Variants in DMXL2 observed in about 807,000 individuals in gnomAD.
DMXL2 encodes dmX-like protein 2.
A neutral mutation model predicts 331.1 loss-of-function variants in DMXL2; 103 were observed. The ratio of observed to expected loss-of-function variants is 0.31; its 90% CI spans 0.27 to 0.37. The LOEUF is 0.37. Ranked by LOEUF, DMXL2 falls within the 10% of genes least tolerant of loss-of-function variation. DMXL2 has a pLI of 1.00. For missense variants in DMXL2, 3,171 were observed against 3,642.9 expected (o/e 0.87, Z 3.33); for synonymous variants, 1,281 against 1,252.1 (o/e 1.02, Z -0.49).
At chr15:51,479,490 T>TCTAA (rs1373783766) in intron 25 of DMXL2, among the ~76,000 whole-genome samples, 1 of 152,152 alleles carries the variant, frequency 6.6e-6, no homozygotes, top group Non-Finnish European at 1.5e-5. Context: ...TCTGATTGCC[T>TCTAA]CTAACTATTG....
At chr15:51,592,554 G>T (rs1221526396) in intron 1 of DMXL2, among the ~76,000 whole-genome samples, 1 of 152,056 alleles carries the variant, frequency 6.6e-6, no homozygotes, top group East Asian at 1.9e-4. Context: ...TCAAATTCAG[G>T]AAATACAGAG....
At chr15:51,558,379 G>A (rs759764484) in intron 6 of DMXL2, among the ~76,000 whole-genome samples, 1 of 151,840 alleles carries the variant, frequency 6.6e-6, no homozygotes, top group Admixed American at 6.6e-5. Context: ...AGACCCAAAG[G>A]CATCATGAAC....
intron 2 of DMXL2, among the ~76,000 whole-genome samples, chr15:51,572,953 A>T (rs1294662065): frequency 6.6e-6 from 1 of 152,224 alleles, no homozygotes; most frequent in Non-Finnish European, 1.5e-5. Flanking sequence ...AGGCAAGAGA[A>T]AGAAATAAAG....
At chr15:51,503,125 T>C (rs974552483) in intron 16 of DMXL2, 92 bp from the exon 17 acceptor site, 15 of 926,718 alleles carry the variant, frequency 1.6e-5, no homozygotes, top group Non-Finnish European at 2.4e-5. Context: ...TTAAGAAACA[T>C]AGCTTCTTAA....
At chr15:51,452,475 CCAA>C (rs1456828545) in intron 41 of DMXL2, among the ~76,000 whole-genome samples, 4 of 151,942 alleles carry the variant, frequency 2.6e-5, no homozygotes, top group Admixed American at 2.6e-4. Flanking sequence ...ATACAAATGG[CCAA>C]CAAACAGGAA....
At position 51,547,219 on chromosome 15, in the gene DMXL2, A is replaced by G; in HGVS notation, c.746+11T>C. ...GATGCAAACTAAAGCTACATGATTCATTCATCTAACCTGGGCATATACTTG... is the reference window on the plus strand; with the variant it reads ...GATGCAAACTAAAGCTACATGATTCGTTCATCTAACCTGGGCATATACTTG... On this transcript the variant is annotated intron_variant, in intron 7 of 43. Coordinates refer to ENST00000560891, the MANE Select transcript of DMXL2 (RefSeq NM_001378457.1). 7.6e-6 allele frequency: 12 copies of G among 1,574,852 alleles called. No individual in the cohort carries two copies. The highest frequency in any genetic ancestry group is 1.0e-5 in the Non-Finnish European group (12 of 1,166,342).
At chr15:51,517,623 C>T (rs886693403) in intron 13 of DMXL2, among the ~76,000 whole-genome samples, 6 of 152,228 alleles carry the variant, frequency 3.9e-5, no homozygotes, top group Non-Finnish European at 8.8e-5. Flanking sequence ...AATCCCAAAA[C>T]TTTCTGCTAA....
chr15:51,617,945 A>G (rs559611697), intron 1 of DMXL2, among the ~76,000 whole-genome samples: 112 of 152,324 alleles, frequency 7.4e-4, no homozygotes, highest in African/African-American at 2.5e-3. Context: ...GGTTGACACT[A>G]AGCCCAAGCC....
In DMXL2 at chr15:51,455,090, C is replaced by T. The variant is rs147145135; in HGVS notation, c.8604+61G>A. On this transcript the variant is annotated intron_variant, in intron 40 of 43. Transcript: ENST00000560891. ...CACCAATGAGATTCACTGTCTGAAA[C>T]AGACACTTCATGAACAAAGTGTTGT... 4.2e-4 allele frequency: 560 copies of T among 1,330,422 alleles called. 1 individual carries two copies. Among genetic ancestry groups the T allele is most frequent in the Non-Finnish European group, 5.6e-4 (518 of 922,542 alleles). The allele number at this position is 1,330,422 out of a possible 1,614,324, so 82.4% of individuals were successfully genotyped here.
chr15:51,553,721 T>C (rs2049365889), intron 6 of DMXL2, among the ~76,000 whole-genome samples: 1 of 152,170 alleles, frequency 6.6e-6, no homozygotes, highest in Non-Finnish European at 1.5e-5. Context: ...CCTTAAGGTT[T>C]TCTTAGTAAC....
chr15:51,595,012 A>G (rs143311867), intron 1 of DMXL2, among the ~76,000 whole-genome samples: 67,090 of 151,152 alleles, frequency 0.44, 15,328 homozygotes, highest in Non-Finnish European at 0.51. Flanking sequence ...AACTGGCACA[A>G]GACAGGGATG....
chr15:51,529,050 C>A (rs1013104735), intron 13 of DMXL2, among the ~76,000 whole-genome samples: 1 of 152,058 alleles, frequency 6.6e-6, no homozygotes, highest in Admixed American at 6.5e-5. Flanking sequence ...TGAAAAATTT[C>A]TTGAAACAAA....
At position 51,491,737 on chromosome 15, in the gene DMXL2, T is replaced by C. The variant is rs1360899883; in HGVS notation, c.4794A>G (p.Thr1598=). Residue 1598 remains threonine, a synonymous_variant, in exon 20 of 44, where the codon ACA becomes ACG. Transcript: ENST00000560891. ...AATGAAAAGCCCAGGCAAAATGGCA[T>C]GTAGAGACACCTAAATTGGAAATAT... ...RVQLLHQGVS[T]CHFAWAFHSE... 3 of 1,596,864 alleles carry C rather than the reference T, an allele frequency of 1.9e-6. No individual in the cohort carries two copies. Among genetic ancestry groups the C allele is most frequent in the Admixed American group, 1.8e-5 (1 of 54,188 alleles).
chr15:51,521,900 ACT>A (rs920844893), intron 13 of DMXL2, among the ~76,000 whole-genome samples: 16 of 152,240 alleles, frequency 1.1e-4, no homozygotes, highest in Non-Finnish European at 1.8e-4. Context: ...TAAATAAGTT[ACT>A]GAGTGAAAAC....
intron 19 of DMXL2, among the ~76,000 whole-genome samples, chr15:51,491,968 C>T (rs568163125): frequency 6.6e-6 from 1 of 152,290 alleles, no homozygotes; most frequent in South Asian, 2.1e-4. Context: ...TTTCCCCAAA[C>T]ATTTGTTTTC....
chr15:51,511,880 G>A (rs2046777458), intron 15 of DMXL2, among the ~76,000 whole-genome samples: 1 of 152,176 alleles, frequency 6.6e-6, no homozygotes, highest in Non-Finnish European at 1.5e-5. Context: ...ATGAGTTCAT[G>A]TCCTTTGCAG....
intron 18 of DMXL2, among the ~76,000 whole-genome samples, chr15:51,496,659 C>A (rs1018264574): frequency 1.3e-5 from 2 of 152,136 alleles, no homozygotes; most frequent in Admixed American, 6.5e-5. Context: ...AAGAATAAAG[C>A]AGTTAGGAGA....
At position 51,613,346 on chromosome 15, in the gene DMXL2, G is replaced by A. The variant is rs1252246805; in HGVS notation, c.87+9113C>T. Among the ~76,000 whole-genome samples the A allele has an allele frequency of 2.6e-5, 4 of 152,136 alleles. No individual in the cohort carries two copies. In the East Asian group the frequency reaches 7.7e-4, roughly 29 times the overall value. ...AGAAATTATGAAAGTATTAATTTGG[G>A]GAACTAATAAATGTCCATGAAATCT... On this transcript the variant is annotated intron_variant, in intron 1 of 43. Coordinates refer to ENST00000560891, the MANE Select transcript of DMXL2 (RefSeq NM_001378457.1).
chr15:51,537,866 T>C, intron 10 of DMXL2, 107 bp from the exon 11 acceptor site: 1 of 1,278,988 alleles, frequency 7.8e-7, no homozygotes, highest in Admixed American at 2.9e-5. Context: ...TCTTTTCCAA[T>C]TTACAGTCAG....
Sources: gnomAD v4.1 joint callset for allele counts (sites outside exome capture counted in the v4.1 genomes callset) on GRCh38, gnomAD v4.1.1 for gene constraint, MANE v1.5 for transcripts, NCBI Gene and HGNC (gene_info 2026-07-23, HGNC 2026-07-21) for gene names.